Variants in THADA observed in about 807,000 individuals in gnomAD.
THADA encodes THADA armadillo repeat containing, also known as tRNA (32-2'-O)-methyltransferase regulator THADA.
Under a neutral mutation model 219.8 loss-of-function variants are expected in THADA, and 213 were observed. The observed-to-expected ratio is 0.97, with a 90% CI of 0.87 to 1.09. THADA has a LOEUF of 1.09. Among genes scored for constraint, THADA ranks in the 50% least tolerant of loss-of-function variants. The pLI is 0.00. For synonymous variants in THADA, 1,018 were observed against 828.9 expected, an observed-to-expected ratio of 1.23 and a Z score of -3.92; for missense variants, 2,956 against 2,311.3, an observed-to-expected ratio of 1.28 and a Z score of -5.72.
At chr2:43,593,863 G>T (rs990119970) in intron 1 of THADA, among the ~76,000 whole-genome samples, 1 of 152,030 alleles carries the variant, frequency 6.6e-6, no homozygotes, top group African/African-American at 2.4e-5. Context: ...TCGATCTCCT[G>T]ACCTCGTGAT....
At chr2:43,586,374 A>G (rs756407726) in intron 7 of THADA, 27 bp downstream of exon 7, 3 of 1,549,796 alleles carry the variant, frequency 1.9e-6, no homozygotes, top group Non-Finnish European at 2.6e-6. Flanking sequence ...AAGTGTGCAC[A>G]CACAAATGCC....
At chr2:43,532,000 T>A (rs929624543) in intron 21 of THADA, among the ~76,000 whole-genome samples, 1 of 152,038 alleles carries the variant, frequency 6.6e-6, no homozygotes, top group Non-Finnish European at 1.5e-5. Context: ...TGTTTTTTTT[T>A]AATCCTCTTT....
chr2:43,276,266 T>C (rs993856450), intron 36 of THADA, among the ~76,000 whole-genome samples: 1 of 152,196 alleles, frequency 6.6e-6, no homozygotes, highest in African/African-American at 2.4e-5. Context: ...GGCTCCCTGA[T>C]GTCCATACTT....
At chr2:43,388,520 A>T (rs1224548565) in intron 29 of THADA, among the ~76,000 whole-genome samples, 1 of 152,180 alleles carries the variant, frequency 6.6e-6, no homozygotes, top group Non-Finnish European at 1.5e-5. Flanking sequence ...ATGATAAAAG[A>T]GTCCTTTGTC....
chr2:43,419,947 C>T (rs1233973503), intron 28 of THADA, among the ~76,000 whole-genome samples: 2 of 152,140 alleles, frequency 1.3e-5, no homozygotes, highest in African/African-American at 4.8e-5. Flanking sequence ...AATAGCAAAC[C>T]ATTTATTTTG....
chr2:43,520,713 T>TATATATACACACACACACAC (rs1218079783), intron 22 of THADA, among the ~76,000 whole-genome samples: 31 of 125,122 alleles, frequency 2.5e-4, no homozygotes, highest in African/African-American at 9.2e-4. Context: ...TATATATATA[T>TATATATACACACACACACAC]ACACACACAC....
chr2:43,330,951 C>T (rs1679892866), intron 30 of THADA, among the ~76,000 whole-genome samples: 1 of 152,192 alleles, frequency 6.6e-6, no homozygotes, highest in Non-Finnish European at 1.5e-5. Flanking sequence ...CGCCTGCCCC[C>T]GTGTCTATTA....
chr2:43,549,188 G>A, intron 20 of THADA, 22 bp downstream of exon 20: 2 of 1,529,622 alleles, frequency 1.3e-6, no homozygotes, highest in Non-Finnish European at 1.8e-6. Flanking sequence ...ATGAATTACA[G>A]TATCCATTTT....
chr2:43,430,293 C>T lies in THADA; in HGVS notation c.3846G>A (p.Gly1282=). 1 of 1,539,120 alleles carries T rather than the reference C, an allele frequency of 6.5e-7. No homozygotes were observed. Residue 1282 remains glycine (G), a synonymous_variant, in exon 27 of 38, where the codon GGG becomes GGA. Coordinates refer to ENST00000405975, the MANE Select transcript of THADA (RefSeq NM_022065.5). ...DEHSKTNRMT[G]REFFSRFPEL... is the part of the protein sequence containing the mutation. The stretch of plus-strand genomic sequence containing the variant: ...CTGGGAAACGAGAGAAAAACTCTCT[C>T]CCTGTCATTCTGTGAAAGAAGGAGG...
chr2:43,280,944 A>G (rs1266211584), intron 35 of THADA, among the ~76,000 whole-genome samples: 2 of 152,256 alleles, frequency 1.3e-5, no homozygotes, highest in Non-Finnish European at 1.5e-5. Context: ...TGTAACTGAC[A>G]CAGAATTCAT....
intron 29 of THADA, among the ~76,000 whole-genome samples, chr2:43,386,814 C>T (rs1672743456): frequency 6.6e-6 from 1 of 150,730 alleles, no homozygotes; most frequent in Admixed American, 6.6e-5. Context: ...GGAGAATTTG[C>T]TTGAACCCGG....
chr2:43,378,039 A>T (rs1284943805), intron 29 of THADA, among the ~76,000 whole-genome samples: 1 of 152,222 alleles, frequency 6.6e-6, no homozygotes, highest in African/African-American at 2.4e-5. Context: ...GATTTTGGAG[A>T]AAATATTGCA....
At position 43,572,848 on chromosome 2, in the gene THADA, C is replaced by A. The variant is rs780233218; in HGVS notation, c.1874G>T (p.Arg625Ile). Residue 625 changes from arginine to isoleucine, a missense_variant, in exon 12 of 38, where the codon AGA becomes ATA. Transcript: ENST00000405975. Reference sequence around the variant, plus strand: ...CTGATGAATTAAGCCTTGCTTTATTCTTGCATCAGACACGAGGTTCTCCCA... The same window carrying A: ...CTGATGAATTAAGCCTTGCTTTATTATTGCATCAGACACGAGGTTCTCCCA... The part of the protein sequence containing the change: ...DTWENLVSDA[R>I]IKQGLIHQHC... The A allele has an allele frequency of 6.2e-7, 1 of 1,613,754 alleles. No individual in the cohort carries two copies.
At chr2:43,521,513 A>G (rs957538679) in intron 22 of THADA, among the ~76,000 whole-genome samples, 3 of 152,184 alleles carry the variant, frequency 2.0e-5, no homozygotes, top group Non-Finnish European at 2.9e-5. Context: ...CCGAGATTGC[A>G]CCACTGCACT....
chr2:43,284,759 C>T (rs1451948692), intron 35 of THADA, among the ~76,000 whole-genome samples: 4 of 152,162 alleles, frequency 2.6e-5, no homozygotes, highest in Admixed American at 6.5e-5. Flanking sequence ...CTGGAAAAGC[C>T]GCAGGCACTC....
At chr2:43,574,315 A>G in intron 11 of THADA, 21 bp downstream of exon 11, 1 of 1,490,362 alleles carries the variant, frequency 6.7e-7, no homozygotes, top group Non-Finnish European at 8.9e-7. Context: ...AACTACTAAA[A>G]CAAAAATGCA....
chr2:43,592,851 A>T (rs1250114873), intron 1 of THADA: 1 of 152,830 alleles, frequency 6.5e-6, no homozygotes, highest in Non-Finnish European at 1.5e-5. Context: ...AACCTCAGTG[A>T]CTCATTAGAC....
At chr2:43,236,717 T>C (rs1332339483) in intron 36 of THADA, among the ~76,000 whole-genome samples, 1 of 151,874 alleles carries the variant, frequency 6.6e-6, no homozygotes, top group African/African-American at 2.4e-5. Context: ...AAAACAAAAT[T>C]GGAGGACTCA....
intron 29 of THADA, among the ~76,000 whole-genome samples, chr2:43,378,057 T>C (rs1286674819): frequency 2.0e-5 from 3 of 152,150 alleles, no homozygotes; most frequent in Non-Finnish European, 4.4e-5. Flanking sequence ...GCAGAGGTGA[T>C]GTTGGGCATT....
Sources: gnomAD v4.1 joint callset for allele counts (sites outside exome capture counted in the v4.1 genomes callset) on GRCh38, gnomAD v4.1.1 for gene constraint, MANE v1.5 for transcripts, NCBI Gene and HGNC (gene_info 2026-07-23, HGNC 2026-07-21) for gene names.